ASTN2: variants seen among roughly 807,000 people sequenced by gnomAD.
The protein encoded by ASTN2 is astrotactin-2.
Under a neutral mutation model 139.8 loss-of-function variants are expected in ASTN2, and 54 were observed. The ratio of observed to expected loss-of-function variants is 0.39; its 90% CI spans 0.31 to 0.48. The LOEUF is 0.48. ASTN2 is among the 20% of genes least tolerant of loss of function. The pLI is 0.95. For missense variants in ASTN2, 1,565 were observed against 1,725.1 expected, an observed-to-expected ratio of 0.91 and a Z score of 1.64; for synonymous variants, 756 against 719.5, an observed-to-expected ratio of 1.05 and a Z score of -0.81.
rs143772110 is a variant in ASTN2 at position 116,723,506 on chromosome 9, G to A, written c.2806+2265C>T. On this transcript the variant is annotated intron_variant, in intron 16 of 22. Coordinates refer to ENST00000313400, the MANE Select transcript of ASTN2 (RefSeq NM_001365068.1). ...CCTCCTCTCACAAGTTCTGCCCACC[G>A]AGTTATCAGCCTCCAAGCCCAGATT... Among the ~76,000 whole-genome samples the A allele has an allele frequency of 1.1e-3, 165 of 152,196 alleles. 1 individual carries two copies. Among genetic ancestry groups the A allele is most frequent in the African/African-American group, 3.8e-3 (156 of 41,530 alleles).
At chr9:117,141,884 G>A (rs1054665418) in intron 3 of ASTN2, among the ~76,000 whole-genome samples, 10 of 152,286 alleles carry the variant, frequency 6.6e-5, no homozygotes, top group Middle Eastern at 3.4e-3. Flanking sequence ...TCACTGAAAA[G>A]GGTCATCACA....
chr9:116,425,506 G>A lies in ASTN2; in HGVS notation c.*345C>T. 6.7e-7 allele frequency: 1 copy of A among 1,501,042 alleles called. No homozygotes were observed. The highest frequency in any genetic ancestry group is 9.2e-7 in the Non-Finnish European group (1 of 1,084,312). The allele number at this position is 1,501,042 out of a possible 1,614,324, so 93.0% of individuals were successfully genotyped here. A position where few individuals can be genotyped will look rare whatever the true frequency, so the allele number is the denominator to read the frequency against. ...GGCAGGAAGAAAGCAGAGTGTGGCA[G>A]GAAGAAGGAAGAAGAGCAAAGGCCG... On this transcript the variant is annotated 3_prime_UTR_variant, in exon 23 of 23. Transcript: ENST00000313400.
chr9:116,556,123 C>T (rs1414408848), intron 19 of ASTN2, among the ~76,000 whole-genome samples: 1 of 152,172 alleles, frequency 6.6e-6, no homozygotes, highest in Non-Finnish European at 1.5e-5. Flanking sequence ...ACTTCATCTT[C>T]CAGCAGGAAA....
At chr9:117,199,509 G>A (rs1831630282) in intron 3 of ASTN2, among the ~76,000 whole-genome samples, 1 of 152,258 alleles carries the variant, frequency 6.6e-6, no homozygotes, top group South Asian at 2.1e-4. Flanking sequence ...GTACCACGCT[G>A]TTTTGGTTGC....
intron 5 of ASTN2, among the ~76,000 whole-genome samples, chr9:117,064,727 C>A (rs1320115103): frequency 4.6e-5 from 7 of 151,914 alleles, no homozygotes; most frequent in Non-Finnish European, 1.0e-4. Flanking sequence ...GATGCATACA[C>A]TAAAAGCTTA....
chr9:117,237,245 A>T (rs919084145), intron 2 of ASTN2, among the ~76,000 whole-genome samples: 5 of 151,320 alleles, frequency 3.3e-5, no homozygotes, highest in African/African-American at 9.7e-5. Flanking sequence ...ATTATTATCT[A>T]TTTTTTTTTA....
chr9:116,669,476 C>T lies in ASTN2; in HGVS notation c.2807-17683G>A, dbSNP rs533081966. 7.9e-5 allele frequency among the ~76,000 whole-genome samples: 12 copies of T among 152,330 alleles called. No homozygotes were observed. The East Asian group carries it at 2.3e-3, about 29-fold the overall frequency. The stretch of plus-strand genomic sequence containing the variant: ...GTGGCTGCGCATTTTGCATTCCTAC[C>T]AGCAATGAACAAGAATTCCTGTGGC... On this transcript the variant is annotated intron_variant, in intron 16 of 22. Transcript: ENST00000313400.
At chr9:117,226,428 A>T (rs7043911) in intron 2 of ASTN2, among the ~76,000 whole-genome samples, 1 of 152,090 alleles carries the variant, frequency 6.6e-6, no homozygotes, top group African/African-American at 2.4e-5. Context: ...GGAATCCAAC[A>T]GTGTCTAGAA....
intron 16 of ASTN2, among the ~76,000 whole-genome samples, chr9:116,707,540 A>G (rs1415258723): frequency 6.6e-6 from 1 of 151,952 alleles, no homozygotes; most frequent in Admixed American, 6.6e-5. Context: ...ACCACCACCA[A>G]ATGATATACG....
intron 17 of ASTN2, among the ~76,000 whole-genome samples, chr9:116,639,523 T>C (rs1336656924): frequency 6.6e-6 from 1 of 152,178 alleles, no homozygotes; most frequent in Non-Finnish European, 1.5e-5. Flanking sequence ...TTACCACCAC[T>C]GTTGACTGAA....
chr9:116,711,422 A>T (rs550744507), intron 16 of ASTN2, among the ~76,000 whole-genome samples: 4 of 152,340 alleles, frequency 2.6e-5, no homozygotes, highest in African/African-American at 7.2e-5. Context: ...CAAATTGCAA[A>T]AGGGAACATT....
At chr9:117,254,377 A>T (rs149340044) in intron 2 of ASTN2, among the ~76,000 whole-genome samples, 52 of 152,312 alleles carry the variant, frequency 3.4e-4, no homozygotes, top group African/African-American at 1.1e-3. Flanking sequence ...CTTAAATTCA[A>T]CATACGTTTC....
chr9:116,496,214 C>A (rs1286958845), intron 19 of ASTN2, among the ~76,000 whole-genome samples: 1 of 152,050 alleles, frequency 6.6e-6, no homozygotes, highest in Non-Finnish European at 1.5e-5. Flanking sequence ...CTGCTGTAAA[C>A]CCTGTGAGTA....
intron 5 of ASTN2, among the ~76,000 whole-genome samples, chr9:117,079,352 T>C (rs1418817991): frequency 3.3e-5 from 5 of 152,024 alleles, no homozygotes; most frequent in Admixed American, 6.6e-5. Flanking sequence ...TGAGACCCTG[T>C]CGAGAGAGAG....
At chr9:116,773,717 G>A (rs972479702) in intron 13 of ASTN2, among the ~76,000 whole-genome samples, 1 of 152,144 alleles carries the variant, frequency 6.6e-6, no homozygotes, top group African/African-American at 2.4e-5. Context: ...TTTCACAGAT[G>A]AGGAAACTCT....
intron 17 of ASTN2, among the ~76,000 whole-genome samples, chr9:116,632,144 G>GAGAGAGAGAGAGAC (rs1856779714): frequency 1.3e-5 from 1 of 76,778 alleles, no homozygotes; most frequent in Non-Finnish European, 2.5e-5. Flanking sequence ...GAGAGAGAGA[G>GAGAGAGAGAGAGAC]AGAGAGAGAG....
chr9:117,113,631 G>A (rs1040901035), intron 4 of ASTN2, among the ~76,000 whole-genome samples: 9 of 151,912 alleles, frequency 5.9e-5, no homozygotes, highest in Non-Finnish European at 1.0e-4. Context: ...GCTCCAGCCT[G>A]GGCAACAAGA....
chr9:117,182,341 A>ACT (rs1831094800), intron 3 of ASTN2, among the ~76,000 whole-genome samples: 1 of 151,486 alleles, frequency 6.6e-6, no homozygotes, highest in Admixed American at 6.6e-5. Context: ...ACACACACAC[A>ACT]CACAAACACA....
At chr9:117,246,038 G>T (rs553520145) in intron 2 of ASTN2, among the ~76,000 whole-genome samples, 1 of 152,214 alleles carries the variant, frequency 6.6e-6, no homozygotes, top group East Asian at 1.9e-4. Flanking sequence ...TCCCTGATGC[G>T]TGGCATAGTG....
Sources: gnomAD v4.1 joint callset for allele counts (sites outside exome capture counted in the v4.1 genomes callset) on GRCh38, gnomAD v4.1.1 for gene constraint, MANE v1.5 for transcripts, NCBI Gene and HGNC (gene_info 2026-07-23, HGNC 2026-07-21) for gene names.